SDK1: variants seen among roughly 807,000 people sequenced by gnomAD.
SDK1 encodes the protein protein sidekick-1.
SDK1 carries 157 observed loss-of-function variants against 245.5 expected under a neutral mutation model. The ratio of observed to expected loss-of-function variants is 0.64; its 90% CI spans 0.56 to 0.73. The LOEUF (loss-of-function observed/expected upper bound fraction) is 0.73, where lower values mean the gene tolerates loss of function less well. Among genes scored for constraint, SDK1 ranks in the 30% least tolerant of loss-of-function variants. The pLI, the probability that SDK1 is intolerant of heterozygous loss-of-function variation, is 0.00. For missense variants in SDK1, 3,583 were observed against 3,002.3 expected (o/e 1.19, Z -4.52); for synonymous variants, 1,647 against 1,278.5 (o/e 1.29, Z -6.15).
chr7:4,147,983 C>T (rs113424308), intron 29 of SDK1, among the ~76,000 whole-genome samples: 2,850 of 152,094 alleles, frequency 0.019, 71 homozygotes, highest in African/African-American at 0.058. Flanking sequence ...CCCACAGTCC[C>T]GCCCCACACT....
chr7:3,864,782 C>T (rs1486401902), intron 5 of SDK1, among the ~76,000 whole-genome samples: 1 of 152,112 alleles, frequency 6.6e-6, no homozygotes, highest in Non-Finnish European at 1.5e-5. Flanking sequence ...TTAGCTCAGT[C>T]ACACTTCTTT....
Position 3,482,349 on chromosome 7 carries a change from G to A in SDK1, c.299-136731G>A, listed in dbSNP as rs539079028. 3.7e-4 allele frequency among the ~76,000 whole-genome samples: 56 copies of A among 152,320 alleles called. 1 individual carries two copies. Among genetic ancestry groups the A allele is most frequent in the Admixed American group, 9.8e-4 (15 of 15,296 alleles). ...AGCGAGCTCTTAGACTGCCTTCACC[G>A]TCTTTCTGAACTCAAGGGCCGGGAG... is the stretch of plus-strand genomic sequence containing the variant. On this transcript the variant is annotated intron_variant, in intron 1 of 44. Coordinates refer to ENST00000404826, the MANE Select transcript of SDK1 (RefSeq NM_152744.4).
At chr7:4,237,528 C>G (rs1786246575) in intron 41 of SDK1, 119 bp from the exon 42 acceptor site, 1 of 1,161,128 alleles carries the variant, frequency 8.6e-7, no homozygotes, top group South Asian at 1.4e-5. Context: ...TTGGTTTCAT[C>G]TCACCTGTAA....
rs146757156 is a variant in SDK1 at position 4,191,729 on chromosome 7, T to A, written c.5098+13143T>A. Among the ~76,000 whole-genome samples the A allele has an allele frequency of 3.7e-3, 561 of 152,356 alleles. 3 individuals carry two copies. The highest frequency in any genetic ancestry group is 0.012 in the African/African-American group (519 of 41,590). The stretch of plus-strand genomic sequence containing the variant: ...TGAGTCTGCAAGGGTTAGGGTCTCC[T>A]GTGAGTGGCAGAGCTCAGGGTGGAC... On this transcript the variant is annotated intron_variant, in intron 35 of 44. Transcript: ENST00000404826.
chr7:4,113,532 G>A lies in SDK1; in HGVS notation c.3585+93G>A, dbSNP rs1028584152. 34 of 1,416,408 alleles carry A rather than the reference G, an allele frequency of 2.4e-5. No individual in the cohort carries two copies. The African/African-American group carries it at 2.5e-4, about 10-fold the overall frequency. 87.7% of individuals were successfully genotyped at this position (1,416,408 alleles called of 1,614,324 possible). A position where few individuals can be genotyped will look rare whatever the true frequency, so the allele number is the denominator to read the frequency against. On this transcript the variant is annotated intron_variant, in intron 24 of 44. Transcript: ENST00000404826. ...CAGGGCTTAGGAGTTTCTTAGTCAC[G>A]CCTTTGTCCTAGTCAAAACTAATCT... is the stretch of plus-strand genomic sequence containing the variant.
At chr7:4,065,078 T>A (rs1236127633) in intron 19 of SDK1, among the ~76,000 whole-genome samples, 2 of 152,144 alleles carry the variant, frequency 1.3e-5, no homozygotes, top group Non-Finnish European at 2.9e-5. Flanking sequence ...TCACAACACA[T>A]AGAAATGATA....
At chr7:4,183,158 CCGTGAGT>C (rs1782691786) in intron 35 of SDK1, among the ~76,000 whole-genome samples, 1 of 152,168 alleles carries the variant, frequency 6.6e-6, no homozygotes, top group African/African-American at 2.4e-5. Flanking sequence ...ACCCCCTAAG[CCGTGAGT>C]CGTGAGTCAT....
intron 1 of SDK1, among the ~76,000 whole-genome samples, chr7:3,594,616 T>C (rs1432399221): frequency 6.6e-6 from 1 of 152,198 alleles, no homozygotes; most frequent in East Asian, 1.9e-4. Flanking sequence ...TGTTTGTCTT[T>C]TTGATTCTAG....
rs577807739 is a variant in SDK1 at position 3,316,581 on chromosome 7, T to G, written c.298+14697T>G. Among the ~76,000 whole-genome samples the G allele has an allele frequency of 2.8e-3, 429 of 152,330 alleles. 1 individual carries two copies. Among genetic ancestry groups the G allele is most frequent in the African/African-American group, 9.6e-3 (400 of 41,576 alleles). On this transcript the variant is annotated intron_variant, in intron 1 of 44. Transcript: ENST00000404826. ...AAATTGGAGCATTATGTATATATGC[T>G]GTAGTGTAGTAGGCAACAATTGGGT...
chr7:3,700,347 G>C (rs1191657687), intron 4 of SDK1, among the ~76,000 whole-genome samples: 2 of 152,112 alleles, frequency 1.3e-5, no homozygotes, highest in African/African-American at 4.8e-5. Flanking sequence ...TATGTTTGTT[G>C]GTTGATGTAA....
chr7:3,551,865 T>A (rs1342637791), intron 1 of SDK1, among the ~76,000 whole-genome samples: 1 of 152,120 alleles, frequency 6.6e-6, no homozygotes, highest in African/African-American at 2.4e-5. Flanking sequence ...TTGTTGTTTT[T>A]AAGGAACAAT....
At chr7:3,904,694 TA>T (rs952740631) in intron 5 of SDK1, among the ~76,000 whole-genome samples, 4 of 150,454 alleles carry the variant, frequency 2.7e-5, no homozygotes, top group African/African-American at 4.9e-5. Flanking sequence ...ACCATGTATC[TA>T]AAAAAAATTA....
chr7:3,694,461 G>T (rs951854233), intron 4 of SDK1, among the ~76,000 whole-genome samples: 3 of 152,152 alleles, frequency 2.0e-5, no homozygotes, highest in Admixed American at 1.3e-4. Context: ...AGTGGACTTG[G>T]CCGTGTACAG....
chr7:4,078,187 T>C (rs892168968), intron 21 of SDK1, among the ~76,000 whole-genome samples: 1 of 152,124 alleles, frequency 6.6e-6, no homozygotes, highest in African/African-American at 2.4e-5. Context: ...TGTTCCGTCA[T>C]TGCCAAGGCT....
chr7:3,745,504 G>A (rs552149431), intron 4 of SDK1, among the ~76,000 whole-genome samples: 1 of 151,552 alleles, frequency 6.6e-6, no homozygotes, highest in South Asian at 2.1e-4. Context: ...ACGTTACTCA[G>A]TTTTCACTGG....
chr7:3,811,246 G>C (rs1175551540), intron 4 of SDK1, among the ~76,000 whole-genome samples: 2 of 152,126 alleles, frequency 1.3e-5, no homozygotes, highest in African/African-American at 2.4e-5. Flanking sequence ...GAGCCTGTGG[G>C]AGTAAAATCG....
intron 22 of SDK1, among the ~76,000 whole-genome samples, chr7:4,099,357 C>T (rs2128186558): frequency 6.7e-6 from 1 of 149,076 alleles, no homozygotes; most frequent in East Asian, 2.1e-4. Flanking sequence ...TGTGCAGAAG[C>T]ACCGGGTGGG....
intron 1 of SDK1, among the ~76,000 whole-genome samples, chr7:3,346,027 G>T (rs545784625): frequency 1.3e-5 from 2 of 152,290 alleles, no homozygotes; most frequent in South Asian, 4.1e-4. Context: ...TCTGGCACTT[G>T]TACTCCTGGA....
chr7:3,960,987 C>A (rs1368842925), intron 8 of SDK1, among the ~76,000 whole-genome samples: 1 of 152,162 alleles, frequency 6.6e-6, no homozygotes, highest in African/African-American at 2.4e-5. Flanking sequence ...CTCCCAGTTC[C>A]CTATGTACTA....
Sources: gnomAD v4.1 joint callset for allele counts (sites outside exome capture counted in the v4.1 genomes callset) on GRCh38, gnomAD v4.1.1 for gene constraint, MANE v1.5 for transcripts, NCBI Gene and HGNC (gene_info 2026-07-23, HGNC 2026-07-21) for gene names.